Variants in SEL1L observed in about 807,000 individuals in gnomAD.
SEL1L encodes the protein SEL1L adaptor subunit of SYVN1 ubiquitin ligase.
Under a neutral mutation model 109.8 loss-of-function variants are expected in SEL1L, and 52 were observed. The observed-to-expected ratio is 0.47, with a 90% CI of 0.38 to 0.60. The LOEUF is 0.60. Ranked by LOEUF, SEL1L falls within the 20% of genes least tolerant of loss-of-function variation. SEL1L has a pLI of 0.00. For missense variants in SEL1L, 749 were observed against 962.2 expected (o/e 0.78, Z 2.93); for synonymous variants, 373 against 339.6 (o/e 1.10, Z -1.08).
At chr14:81,494,978 A>C in intron 11 of SEL1L, 103 bp downstream of exon 11, 1 of 1,136,924 alleles carries the variant, frequency 8.8e-7, no homozygotes, top group African/African-American at 1.5e-5. Flanking sequence ...TGGGTGTTTA[A>C]ATGACAGAAG....
chr14:81,524,054 T>C lies in SEL1L; in HGVS notation c.340+2679A>G, dbSNP rs1212257446. 2.0e-5 allele frequency among the ~76,000 whole-genome samples: 3 copies of C among 152,362 alleles called. No individual in the cohort carries two copies. In the East Asian group the frequency reaches 5.8e-4, roughly 29 times the overall value. On this transcript the variant is annotated intron_variant, in intron 3 of 20. Coordinates refer to ENST00000336735, the MANE Select transcript of SEL1L (RefSeq NM_005065.6). Reference sequence around the variant, plus strand: ...GGAAATAAGAATTTATCTAGCTTTCTCTGGATGAGACTATATTTCAGGGTA... The same window carrying C: ...GGAAATAAGAATTTATCTAGCTTTCCCTGGATGAGACTATATTTCAGGGTA...
chr14:81,487,384 C>A lies in SEL1L; in HGVS notation c.1632+6G>T, dbSNP rs769933252. 3.3e-5 allele frequency: 52 copies of A among 1,568,822 alleles called. No homozygotes were observed. The highest frequency in any genetic ancestry group is 4.2e-5 in the African/African-American group (3 of 71,664). On this transcript the variant is annotated splice_donor_region_variant and intron_variant, in intron 16 of 20. Transcript: ENST00000336735. ...CCTACACACAAGCTGGTAGGAAAGA[C>A]CTTACCTCCACTGCAGTGTGACATG...
chr14:81,530,135 T>A (rs1437838516), intron 1 of SEL1L, among the ~76,000 whole-genome samples: 2 of 152,244 alleles, frequency 1.3e-5, no homozygotes, highest in African/African-American at 4.8e-5. Context: ...TACAAAATCA[T>A]TTTTCCATTC....
Position 81,477,035 on chromosome 14 carries a change from A to G in SEL1L, c.2322T>C (p.Pro774=), listed in dbSNP as rs1405751840. The G allele has an allele frequency of 1.2e-6, 2 of 1,613,996 alleles. No homozygotes were observed. Among genetic ancestry groups the G allele is most frequent in the Non-Finnish European group, 1.7e-6 (2 of 1,180,026 alleles). ...GGGGTGGAGCTGGCCGTGGCCCTGG[A>G]GGCCTGGGTGCAGGCATGTCTTGGT... ...RQHQDMPAPR[P]PGPRPAPPQQ... is the part of the protein sequence containing the mutation. Residue 774 remains proline, a synonymous_variant, in exon 21 of 21, where the codon CCT becomes CCC. Transcript: ENST00000336735.
chr14:81,498,348 G>T, intron 9 of SEL1L, 65 bp downstream of exon 9: 1 of 1,315,064 alleles, frequency 7.6e-7, no homozygotes, highest in Non-Finnish European at 1.1e-6. Flanking sequence ...AATAAAAATA[G>T]AAATGTTTAA....
intron 8 of SEL1L, chr14:81,499,059 T>C: frequency 1.1e-6 from 1 of 869,952 alleles, no homozygotes; most frequent in Non-Finnish European, 1.4e-6. Context: ...TGTTGCAAAA[T>C]ATTGTATAAT....
At chr14:81,487,676 A>C (rs1903562695) in intron 15 of SEL1L, 138 bp from the exon 16 acceptor site, 1 of 1,504,694 alleles carries the variant, frequency 6.6e-7, no homozygotes, top group Non-Finnish European at 8.9e-7. Flanking sequence ...ACAAGCTAAC[A>C]CACTGATACA....
chr14:81,491,459 C>T (rs1299441834), intron 12 of SEL1L, among the ~76,000 whole-genome samples: 2 of 152,096 alleles, frequency 1.3e-5, no homozygotes, highest in African/African-American at 4.8e-5. Context: ...AGGAATGAAA[C>T]GTTCTTAAAT....
chr14:81,526,578 A>G lies in SEL1L; in HGVS notation c.340+155T>C, dbSNP rs147918451. Among the ~76,000 whole-genome samples, 1,041 of 152,346 alleles carry G rather than the reference A, an allele frequency of 6.8e-3. 13 individuals carry two copies. Among genetic ancestry groups the G allele is most frequent in the African/African-American group, 0.023 (944 of 41,584 alleles). On this transcript the variant is annotated intron_variant, in intron 3 of 20. Coordinates refer to ENST00000336735, the MANE Select transcript of SEL1L (RefSeq NM_005065.6). The stretch of plus-strand genomic sequence containing the variant: ...TCTGTTAAGTGAATAACTTTGGTAT[A>G]TTAAAATCTAGAAATTCTCTCCAAA...
At position 81,475,182 on chromosome 14, in the gene SEL1L, G is replaced by C. The variant is rs956020625; in HGVS notation, c.*1790C>G. On this transcript the variant is annotated 3_prime_UTR_variant, in exon 21 of 21. Transcript: ENST00000336735. ...TGCACTCAAATCTCTACATGTAAGA[G>C]ACCAAACAAGTCTCACTATTTACAA... The C allele has an allele frequency of 7.2e-5, 11 of 152,186 alleles. No individual in the cohort carries two copies. Among genetic ancestry groups the C allele is most frequent in the Non-Finnish European group, 1.6e-4 (11 of 68,044 alleles). The allele number at this position is 152,186 out of a possible 1,614,324, so 9.4% of individuals were successfully genotyped here.
chr14:81,518,327 A>C (rs898617145), intron 3 of SEL1L, among the ~76,000 whole-genome samples: 5 of 152,096 alleles, frequency 3.3e-5, no homozygotes, highest in Non-Finnish European at 7.4e-5. Context: ...ACAGAAACTT[A>C]AGACCACGTA....
In SEL1L at chr14:81,477,206, AT is replaced by A. The variant is rs536291436; in HGVS notation, c.2176-26del. Reference sequence around the variant, plus strand: ...TCTTAATGAAAATAATATAGAAACCATTATTATCACTAAAATGTCAGGCAAG... The same window carrying A: ...TCTTAATGAAAATAATATAGAAACCATATTATCACTAAAATGTCAGGCAAG... On this transcript the variant is annotated intron_variant, in intron 20 of 20. Coordinates refer to ENST00000336735, the MANE Select transcript of SEL1L (RefSeq NM_005065.6). 712 of 1,557,258 alleles carry A rather than the reference AT, an allele frequency of 4.6e-4. 3 individuals are homozygous for A. The East Asian group carries it at 0.013, about 28-fold the overall frequency.
intron 1 of SEL1L, among the ~76,000 whole-genome samples, chr14:81,532,714 T>C (rs1885377285): frequency 6.6e-6 from 1 of 152,136 alleles, no homozygotes; most frequent in Admixed American, 6.5e-5. Flanking sequence ...GGAAATTTTC[T>C]GTTAAAAAAA....
Position 81,487,537 on chromosome 14 carries a change from A to G in SEL1L, c.1485T>C (p.Asn495=), listed in dbSNP as rs759190793. The G allele has an allele frequency of 1.9e-6, 3 of 1,593,340 alleles. No homozygotes were observed. The highest frequency in any genetic ancestry group is 4.5e-5 in the East Asian group (2 of 44,832). Residue 495 remains asparagine, a splice_region_variant and synonymous_variant, in exon 16 of 21, where the codon AAT becomes AAC. Transcript: ENST00000336735. ...GQLQLGSMYY[N]GIGVKRDYKQ... ...TATAATCTCTCTTGACTCCAATGCCATCTGTAAGAAAAAAAAAAATCACAC... is the reference window on the plus strand; with the variant it reads ...TATAATCTCTCTTGACTCCAATGCCGTCTGTAAGAAAAAAAAAAATCACAC...
At chr14:81,519,677 G>A (rs765857090) in intron 3 of SEL1L, among the ~76,000 whole-genome samples, 7 of 152,110 alleles carry the variant, frequency 4.6e-5, no homozygotes, top group African/African-American at 1.4e-4. Flanking sequence ...AGAGCAAAAG[G>A]AAGAAGGCCA....
chr14:81,520,014 C>T (rs1045997871), intron 3 of SEL1L, among the ~76,000 whole-genome samples: 1 of 152,062 alleles, frequency 6.6e-6, no homozygotes, highest in African/African-American at 2.4e-5. Flanking sequence ...GGCCTGTAAA[C>T]AGGGGAGTTA....
chr14:81,488,029 G>A, intron 14 of SEL1L, 87 bp from the exon 15 acceptor site: 3 of 1,016,094 alleles, frequency 3.0e-6, no homozygotes, highest in Non-Finnish European at 4.3e-6. Flanking sequence ...AATGAACAAA[G>A]CATATAAAAA....
At chr14:81,478,069 T>C (rs908402625) in intron 20 of SEL1L, among the ~76,000 whole-genome samples, 2 of 152,248 alleles carry the variant, frequency 1.3e-5, no homozygotes, top group African/African-American at 4.8e-5. Context: ...AGTTATGTTC[T>C]TAGCCTATAA....
intron 4 of SEL1L, among the ~76,000 whole-genome samples, chr14:81,505,701 G>A (rs192385721): frequency 1.2e-4 from 19 of 152,188 alleles, no homozygotes; most frequent in Admixed American, 9.8e-4. Context: ...TTCACCTTAA[G>A]TATTTTTAAA....
Sources: allele counts gnomAD v4.1 joint callset (sites outside exome capture counted in the v4.1 genomes callset), GRCh38; gene constraint gnomAD v4.1.1; transcripts MANE v1.5; gene names NCBI Gene and HGNC (gene_info 2026-07-23, HGNC 2026-07-21).